Variants in DTD1 observed in about 807,000 individuals in gnomAD.
DTD1 encodes the protein D-aminoacyl-tRNA deacylase 1.
In DTD1, 13 loss-of-function variants were observed where a neutral mutation model predicts 25.6. The observed-to-expected ratio is 0.51, with a 90% CI of 0.33 to 0.81. The LOEUF is 0.81. DTD1 is among the 30% of genes least tolerant of loss of function. DTD1 has a pLI of 0.02. For missense variants in DTD1, 193 were observed against 266.4 expected (o/e 0.72, Z 1.92); for synonymous variants, 110 against 103.6 (o/e 1.06, Z -0.37).
At chr20:18,685,865 C>T (rs1339022557) in intron 4 of DTD1, among the ~76,000 whole-genome samples, 1 of 152,216 alleles carries the variant, frequency 6.6e-6, no homozygotes, top group African/African-American at 2.4e-5. Flanking sequence ...TTCCCCTCTT[C>T]CTTCTCCCCT....
chr20:18,659,962 G>C (rs1009458738), intron 4 of DTD1, among the ~76,000 whole-genome samples: 4 of 152,130 alleles, frequency 2.6e-5, no homozygotes, highest in African/African-American at 9.6e-5. Flanking sequence ...AGCTGGGCAT[G>C]GTGGCTCACA....
chr20:18,705,498 A>G (rs1326594409), intron 4 of DTD1, among the ~76,000 whole-genome samples: 1 of 152,172 alleles, frequency 6.6e-6, no homozygotes, highest in African/African-American at 2.4e-5. Context: ...TGTTGTTCAA[A>G]AAGGTCCCCA....
chr20:18,601,579 G>A (rs2060635308), intron 3 of DTD1, among the ~76,000 whole-genome samples: 1 of 150,854 alleles, frequency 6.6e-6, no homozygotes, highest in African/African-American at 2.4e-5. Flanking sequence ...GGAGATCTGA[G>A]AACCGGCAGA....
At chr20:18,699,624 G>T (rs1039839066) in intron 4 of DTD1, among the ~76,000 whole-genome samples, 1 of 152,160 alleles carries the variant, frequency 6.6e-6, no homozygotes, top group Non-Finnish European at 1.5e-5. Context: ...AGCCAGGGAA[G>T]TACCTCAGTT....
chr20:18,746,868 A>C (rs2061302358), intron 5 of DTD1, among the ~76,000 whole-genome samples: 1 of 152,074 alleles, frequency 6.6e-6, no homozygotes, highest in Non-Finnish European at 1.5e-5. Flanking sequence ...TGTCCTCTTA[A>C]CTGTTCCCTC....
chr20:18,660,325 T>C (rs2060905033), intron 4 of DTD1, among the ~76,000 whole-genome samples: 1 of 152,190 alleles, frequency 6.6e-6, no homozygotes, highest in Non-Finnish European at 1.5e-5. Context: ...ACTCAAGCAA[T>C]CCTCCCATCC....
intron 3 of DTD1, among the ~76,000 whole-genome samples, chr20:18,625,330 C>G (rs996337565): frequency 6.6e-6 from 1 of 152,222 alleles, no homozygotes; most frequent in Non-Finnish European, 1.5e-5. Flanking sequence ...TTTTCACCAC[C>G]AAGTCACTTA....
chr20:18,623,699 C>T (rs1199670012), intron 3 of DTD1, among the ~76,000 whole-genome samples: 2 of 152,130 alleles, frequency 1.3e-5, no homozygotes, highest in African/African-American at 4.8e-5. Context: ...TTGTGACAGC[C>T]TATTAATGGG....
chr20:18,709,976 A>G (rs778683401), intron 4 of DTD1, among the ~76,000 whole-genome samples: 9 of 152,162 alleles, frequency 5.9e-5, no homozygotes, highest in Non-Finnish European at 1.0e-4. Context: ...ATTAGGGTAA[A>G]TAACTTATTC....
intron 4 of DTD1, among the ~76,000 whole-genome samples, chr20:18,679,379 G>A (rs1381733611): frequency 6.6e-6 from 1 of 152,190 alleles, no homozygotes; most frequent in African/African-American, 2.4e-5. Flanking sequence ...TTTACATGAC[G>A]TGCATCCAAA....
chr20:18,753,440 T>C (rs1184249216), intron 5 of DTD1, among the ~76,000 whole-genome samples: 1 of 151,796 alleles, frequency 6.6e-6, no homozygotes, highest in Non-Finnish European at 1.5e-5. Flanking sequence ...AAACCCCGTC[T>C]CTACAAAAAA....
chr20:18,591,178 A>AG (rs2060587816), intron 1 of DTD1, among the ~76,000 whole-genome samples: 1 of 152,072 alleles, frequency 6.6e-6, no homozygotes, highest in African/African-American at 2.4e-5. Flanking sequence ...TTGTCCCTGG[A>AG]GGGGGGACAA....
At chr20:18,705,224 T>C (rs2061121504) in intron 4 of DTD1, among the ~76,000 whole-genome samples, 1 of 152,132 alleles carries the variant, frequency 6.6e-6, no homozygotes, top group Admixed American at 6.5e-5. Flanking sequence ...ACATAAAATT[T>C]TGCTTTTCAG....
At chr20:18,697,929 T>C (rs1188008708) in intron 4 of DTD1, among the ~76,000 whole-genome samples, 1 of 152,204 alleles carries the variant, frequency 6.6e-6, no homozygotes, top group Non-Finnish European at 1.5e-5. Flanking sequence ...ATATAATTTT[T>C]ATGTTTGCAT....
chr20:18,761,744 G>T (rs2061363754), intron 5 of DTD1, among the ~76,000 whole-genome samples: 1 of 152,244 alleles, frequency 6.6e-6, no homozygotes. Context: ...AAAGGTCAAT[G>T]TGGGGAACAA....
intron 3 of DTD1, among the ~76,000 whole-genome samples, chr20:18,618,627 G>GTA (rs1342745222): frequency 7.5e-6 from 1 of 133,098 alleles, no homozygotes; most frequent in African/African-American, 2.8e-5. Context: ...ATATGTATAT[G>GTA]TATATATAAT....
At chr20:18,705,034 A>C (rs986650753) in intron 4 of DTD1, among the ~76,000 whole-genome samples, 2 of 152,154 alleles carry the variant, frequency 1.3e-5, no homozygotes, top group African/African-American at 4.8e-5. Flanking sequence ...AAAATTACAA[A>C]TTTAATAGAT....
chr20:18,614,223 A>G (rs2060699895), intron 3 of DTD1, among the ~76,000 whole-genome samples: 1 of 152,122 alleles, frequency 6.6e-6, no homozygotes, highest in Admixed American at 6.5e-5. Flanking sequence ...TCAAGCACTG[A>G]GCATCCCACA....
chr20:18,670,634 A>G (rs531037219), intron 4 of DTD1, among the ~76,000 whole-genome samples: 29 of 152,226 alleles, frequency 1.9e-4, no homozygotes, highest in Non-Finnish European at 3.8e-4. Context: ...TTAGAGTTCT[A>G]AATAAAGTCG....
Sources: allele counts gnomAD v4.1 joint callset (sites outside exome capture counted in the v4.1 genomes callset), GRCh38; gene constraint gnomAD v4.1.1; transcripts MANE v1.5; gene names NCBI Gene and HGNC (gene_info 2026-07-23, HGNC 2026-07-21).